NFATC2: variants seen among roughly 807,000 people sequenced by gnomAD.
The protein encoded by NFATC2 is nuclear factor of activated T-cells, cytoplasmic 2.
A neutral mutation model predicts 87.3 loss-of-function variants in NFATC2; 22 were observed. That is an observed-to-expected ratio of 0.25 (90% CI 0.18 to 0.36). The LOEUF (loss-of-function observed/expected upper bound fraction) is 0.36. NFATC2 is among the 10% of genes least tolerant of loss of function. The pLI is 1.00. For missense variants in NFATC2, 1,149 were observed against 1,259.1 expected (o/e 0.91, Z 1.32); for synonymous variants, 565 against 542.2 (o/e 1.04, Z -0.58).
chr20:51,477,861 C>T (rs1463708749), intron 3 of NFATC2, among the ~76,000 whole-genome samples: 9 of 152,168 alleles, frequency 5.9e-5, no homozygotes, highest in South Asian at 2.1e-4. Flanking sequence ...GAGCCACTAA[C>T]CACATGTATA....
intron 3 of NFATC2, among the ~76,000 whole-genome samples, chr20:51,497,747 G>A (rs1031700926): frequency 2.6e-5 from 4 of 152,060 alleles, no homozygotes; most frequent in Admixed American, 2.6e-4. Context: ...AAGAAGATGG[G>A]GTGAGATCTG....
In NFATC2 at chr20:51,523,087, A is replaced by T. The variant is rs754016371; in HGVS notation, c.1154T>A (p.Ile385Asn). ...TTTTCAAAGCCCTGCTCACCTGCAG[A>T]TGGGAATGGCAGGCACCAGCGGCTT... The part of the protein sequence containing the change: ...WPKPLVPAIP[I>N]CSIPVTASLP... The change falls in exon 2 of 11, where the codon ATC (isoleucine) becomes AAC (asparagine). Residue 385 changes from isoleucine to asparagine, a missense_variant. Transcript: ENST00000371564. This position sits in a 1 kb window ranked among gnomAD's most constrained non-coding sequence, Gnocchi z 6.9. 1 of 1,614,108 alleles carries T rather than the reference A, an allele frequency of 6.2e-7. No individual in the cohort carries two copies. Among genetic ancestry groups the T allele is most frequent in the African/African-American group, 1.3e-5 (1 of 74,956 alleles).
chr20:51,413,595 A>C (rs1979604980), intron 9 of NFATC2, among the ~76,000 whole-genome samples: 1 of 152,080 alleles, frequency 6.6e-6, no homozygotes, highest in South Asian at 2.1e-4. Context: ...CTGTCTTTAC[A>C]AAATTAAGAA....
At chr20:51,508,636 T>A (rs2076223874) in intron 3 of NFATC2, among the ~76,000 whole-genome samples, 1 of 151,884 alleles carries the variant, frequency 6.6e-6, no homozygotes, top group African/African-American at 2.4e-5. Flanking sequence ...AAAGGCTACA[T>A]CAAGTCACCT....
chr20:51,400,963 C>T (rs1431475777), intron 9 of NFATC2, among the ~76,000 whole-genome samples: 2 of 152,222 alleles, frequency 1.3e-5, no homozygotes, highest in Admixed American at 6.5e-5. Flanking sequence ...AAAATGTAGA[C>T]TCACATCAGA....
rs77571125 is a variant in NFATC2 at position 51,399,420 on chromosome 20, T to C, written c.2723-690A>G. Among the ~76,000 whole-genome samples, 1,046 of 152,348 alleles carry C rather than the reference T, an allele frequency of 6.9e-3. 10 individuals are homozygous for C. The highest frequency in any genetic ancestry group is 0.024 in the African/African-American group (1,003 of 41,572). ...AATACCCAAGTCCATTCCAAATGCC[T>C]GATTTAGAAATGTTTTCTGAGTCCA... On this transcript the variant is annotated intron_variant, in intron 9 of 10. Coordinates refer to ENST00000371564, the MANE Select transcript of NFATC2 (RefSeq NM_012340.5).
chr20:51,430,389 C>T (rs1188905246), intron 9 of NFATC2, among the ~76,000 whole-genome samples: 1 of 152,212 alleles, frequency 6.6e-6, no homozygotes, highest in East Asian at 1.9e-4. Context: ...AAATAAGCAC[C>T]AAAACCTTAT....
chr20:51,433,396 A>G (rs1949926837), intron 8 of NFATC2, among the ~76,000 whole-genome samples: 1 of 152,144 alleles, frequency 6.6e-6, no homozygotes, highest in Non-Finnish European at 1.5e-5. Flanking sequence ...CAGTTTCCCC[A>G]TCTGTTACCT....
chr20:51,521,950 A>C (rs954717754), intron 2 of NFATC2, among the ~76,000 whole-genome samples: 4 of 152,222 alleles, frequency 2.6e-5, no homozygotes, highest in African/African-American at 9.6e-5. Context: ...TCCAAAAAGC[A>C]AAATTTGAAT....
intron 9 of NFATC2, among the ~76,000 whole-genome samples, chr20:51,413,360 C>A (rs1428613002): frequency 6.6e-6 from 1 of 152,154 alleles, no homozygotes; most frequent in African/African-American, 2.4e-5. Context: ...AGGACACAGT[C>A]TGTCTCCTCA....
chr20:51,453,325 A>G (rs1986031410), intron 6 of NFATC2, among the ~76,000 whole-genome samples: 1 of 152,224 alleles, frequency 6.6e-6, no homozygotes, highest in South Asian at 2.1e-4. Context: ...TGATGTATCC[A>G]ATTTGAATGG....
intron 3 of NFATC2, among the ~76,000 whole-genome samples, chr20:51,516,267 T>C (rs561969463): frequency 9.2e-5 from 14 of 152,342 alleles, no homozygotes; most frequent in South Asian, 4.1e-4. Context: ...ATGTTCACTA[T>C]AGAATTAAGA....
At chr20:51,394,446 C>A (rs1417042740) in intron 10 of NFATC2, among the ~76,000 whole-genome samples, 1 of 152,110 alleles carries the variant, frequency 6.6e-6, no homozygotes, top group Non-Finnish European at 1.5e-5. Flanking sequence ...TGGGTAGCAT[C>A]ATGTTTTCCC....
At chr20:51,393,937 A>G (rs982311361) in intron 10 of NFATC2, among the ~76,000 whole-genome samples, 1 of 152,190 alleles carries the variant, frequency 6.6e-6, no homozygotes, top group Non-Finnish European at 1.5e-5. Flanking sequence ...TCAAACAGGC[A>G]GAAGCATGTT....
intron 3 of NFATC2, among the ~76,000 whole-genome samples, chr20:51,489,560 C>T (rs779120982): frequency 2.0e-5 from 3 of 152,212 alleles, no homozygotes; most frequent in Non-Finnish European, 4.4e-5. Context: ...CTCCTTCATT[C>T]AACTTCTTCT....
chr20:51,423,103 C>T (rs1374732167), intron 9 of NFATC2, among the ~76,000 whole-genome samples: 1 of 151,858 alleles, frequency 6.6e-6, no homozygotes, highest in African/African-American at 2.4e-5. Flanking sequence ...GACTGGGCAA[C>T]ATAGCAAGAC....
chr20:51,460,560 A>G (rs1402513951), intron 5 of NFATC2, among the ~76,000 whole-genome samples: 1 of 151,180 alleles, frequency 6.6e-6, no homozygotes, highest in Non-Finnish European at 1.5e-5. Context: ...TACCAAACAT[A>G]TGCATGTGTG....
intron 1 of NFATC2, among the ~76,000 whole-genome samples, chr20:51,540,442 T>C (rs1222578994): frequency 6.6e-6 from 1 of 152,128 alleles, no homozygotes; most frequent in East Asian, 1.9e-4. Flanking sequence ...CTCAAAACAG[T>C]GAAGGTCACA....
In NFATC2 at chr20:51,454,694, G is replaced by A. The variant is rs745448420; in HGVS notation, c.1709-6C>T. The stretch of plus-strand genomic sequence containing the variant: ...CTCGTGAGCAGATCGCTGGGCTGCA[G>A]GCAAAAGAGAGAGAAGTCACTGTGA... On this transcript the variant is annotated splice_region_variant and splice_polypyrimidine_tract_variant and intron_variant, in intron 5 of 10. Coordinates refer to ENST00000371564, the MANE Select transcript of NFATC2 (RefSeq NM_012340.5). 29 of 1,613,600 alleles carry A rather than the reference G, an allele frequency of 1.8e-5. No individual in the cohort carries two copies. The highest frequency in any genetic ancestry group is 2.4e-5 in the Non-Finnish European group (28 of 1,179,888).
Sources: allele counts gnomAD v4.1 joint callset (sites outside exome capture counted in the v4.1 genomes callset), GRCh38; gene constraint gnomAD v4.1.1; non-coding constraint Gnocchi (gnomAD v3.1); transcripts MANE v1.5; gene names NCBI Gene and HGNC (gene_info 2026-07-23, HGNC 2026-07-21).